TNPO1: variants seen among roughly 807,000 people sequenced by gnomAD.
The protein encoded by TNPO1 is transportin-1.
In TNPO1, 8 loss-of-function variants were observed where a neutral mutation model predicts 119.5. The ratio of observed to expected loss-of-function variants is 0.07; its 90% CI spans 0.04 to 0.12. The LOEUF (loss-of-function observed/expected upper bound fraction) is 0.12, where lower values mean the gene tolerates loss of function less well. Among genes scored for constraint, TNPO1 ranks in the 10% least tolerant of loss-of-function variants. The pLI, the probability that TNPO1 is intolerant of heterozygous loss-of-function variation, is 1.00. For missense variants in TNPO1, 576 were observed against 1,089.8 expected, an observed-to-expected ratio of 0.53 and a Z score of 6.64; for synonymous variants, 362 against 363.0, an observed-to-expected ratio of 1.00 and a Z score of 0.03.
chr5:72,848,319 C>T (rs1368240404), intron 1 of TNPO1, 66 bp from the exon 2 acceptor site: 1 of 1,490,616 alleles, frequency 6.7e-7, no homozygotes, highest in Admixed American at 2.1e-5. Flanking sequence ...GCGCGGGAAG[C>T]CTCTGGGCCT....
Position 72,891,901 on chromosome 5 carries a change from G to T in TNPO1, c.1788+5G>T. ...GATCTCTTCCCTTTACTTGAGGTAT[G>T]CAGGGCTAGTAATATTTAATCTGTT... is the stretch of plus-strand genomic sequence containing the variant. On this transcript the variant is annotated splice_donor_5th_base_variant and intron_variant, in intron 15 of 24. Coordinates refer to ENST00000337273, the MANE Select transcript of TNPO1 (RefSeq NM_002270.4). 1 of 1,605,122 alleles carries T rather than the reference G, an allele frequency of 6.2e-7. No homozygotes were observed. The highest frequency in any genetic ancestry group is 8.5e-7 in the Non-Finnish European group (1 of 1,174,738).
At chr5:72,828,986 G>A (rs903524199) in intron 1 of TNPO1, among the ~76,000 whole-genome samples, 2 of 152,138 alleles carry the variant, frequency 1.3e-5, no homozygotes, top group East Asian at 1.9e-4. Context: ...AATAAATGAT[G>A]TGTTTTCAGA....
At chr5:72,891,074 T>A (rs1438462614) in intron 14 of TNPO1, among the ~76,000 whole-genome samples, 1 of 151,962 alleles carries the variant, frequency 6.6e-6, no homozygotes. Flanking sequence ...AACTCCTGGG[T>A]TCAAGTGATC....
In TNPO1 at chr5:72,855,867, A is replaced by G. The variant is rs568082666; in HGVS notation, c.299A>G (p.Lys100Arg). The G allele has an allele frequency of 6.2e-7, 1 of 1,613,552 alleles. No individual in the cohort carries two copies. Among genetic ancestry groups the G allele is most frequent in the African/African-American group, 1.3e-5 (1 of 75,036 alleles). The change falls in exon 4 of 25, where the codon AAA becomes AGA. Residue 100 changes from lysine (K) to arginine (R), a missense_variant. Lys to Arg is a conservative substitution (Grantham distance 26). This residue lies in a region of TNPO1 where 310 missense variants were observed against 583.0 expected (regional missense o/e 0.53). Transcript: ENST00000337273. Reference sequence around the variant, plus strand: ...CCAAATGGTGTAACAGACTTTATTAAAAGTGAATGTTTAAATAATATTGGT... The same window carrying G: ...CCAAATGGTGTAACAGACTTTATTAGAAGTGAATGTTTAAATAATATTGGT... Reference protein sequence around the residue: ...NFPNGVTDFIKSECLNNIGDS... With the variant: ...NFPNGVTDFIRSECLNNIGDS...
At position 72,851,365 on chromosome 5, in the gene TNPO1, C is replaced by T. The variant is rs756278057; in HGVS notation, c.205+46C>T. 12 of 1,105,626 alleles carry T rather than the reference C, an allele frequency of 1.1e-5. No homozygotes were observed. The South Asian group carries it at 1.5e-4, about 14-fold the overall frequency. The allele number at this position is 1,105,626 out of a possible 1,614,324, so 68.5% of individuals were successfully genotyped here. A position where few individuals can be genotyped will look rare whatever the true frequency, so the allele number is the denominator to read the frequency against. ...TAACTATTTAAAGTTTCTTTAAGAC[C>T]TGTTTAAATGTACTGAGAATTATTC... On this transcript the variant is annotated intron_variant, in intron 3 of 24. Coordinates refer to ENST00000337273, the MANE Select transcript of TNPO1 (RefSeq NM_002270.4).
At chr5:72,829,521 C>T (rs993531918) in intron 1 of TNPO1, among the ~76,000 whole-genome samples, 1 of 152,202 alleles carries the variant, frequency 6.6e-6, no homozygotes, top group African/African-American at 2.4e-5. Flanking sequence ...GTTGAACAAT[C>T]GAGTTGAATA....
chr5:72,819,464 A>T (rs765800316), intron 1 of TNPO1, among the ~76,000 whole-genome samples: 1 of 152,178 alleles, frequency 6.6e-6, no homozygotes, highest in Non-Finnish European at 1.5e-5. Flanking sequence ...AGTAAGTAGG[A>T]ATATTAGAGT....
chr5:72,878,875 C>A, intron 9 of TNPO1: 1 of 481,738 alleles, frequency 2.1e-6, no homozygotes, highest in South Asian at 1.6e-5. Context: ...AGTTTAAATC[C>A]TTGAGGGGTA....
At chr5:72,837,592 C>T (rs1744738771) in intron 1 of TNPO1, among the ~76,000 whole-genome samples, 1 of 152,162 alleles carries the variant, frequency 6.6e-6, no homozygotes, top group Non-Finnish European at 1.5e-5. Context: ...ACAAGTTAAA[C>T]AGTCCATTTT....
Position 72,889,780 on chromosome 5 carries a change from A to G in TNPO1, c.1530-6A>G, listed in dbSNP as rs781052916. 1 of 1,512,054 alleles carries G rather than the reference A, an allele frequency of 6.6e-7. No individual in the cohort carries two copies. The highest frequency in any genetic ancestry group is 1.3e-5 in the South Asian group (1 of 74,588). 93.7% of individuals were successfully genotyped at this position (1,512,054 alleles called of 1,614,324 possible). Reference sequence around the variant, plus strand: ...ATAAGTATTCTTTTTTTTTTTTTTTAAACAGTGCCTTTGCTACCCTAGAAG... The same window carrying G: ...ATAAGTATTCTTTTTTTTTTTTTTTGAACAGTGCCTTTGCTACCCTAGAAG... On this transcript the variant is annotated splice_polypyrimidine_tract_variant and splice_region_variant and intron_variant, in intron 13 of 24. Transcript: ENST00000337273.
intron 14 of TNPO1, 141 bp downstream of exon 14, chr5:72,890,098 A>G: frequency 3.4e-6 from 3 of 889,486 alleles, no homozygotes; most frequent in Non-Finnish European, 5.1e-6. Flanking sequence ...AGATCTTACA[A>G]AGGCAGCAAG....
intron 1 of TNPO1, among the ~76,000 whole-genome samples, chr5:72,821,052 T>G (rs1311067589): frequency 6.6e-6 from 1 of 152,080 alleles, no homozygotes; most frequent in Non-Finnish European, 1.5e-5. Flanking sequence ...AGTGCTAAAA[T>G]TGAAATATAC....
chr5:72,856,696 A>C (rs2112286657), intron 4 of TNPO1, among the ~76,000 whole-genome samples: 1 of 152,356 alleles, frequency 6.6e-6, no homozygotes, highest in East Asian at 1.9e-4. Context: ...TCAGTAATTC[A>C]GCAGCAACTT....
rs567296056 is a variant in TNPO1 at position 72,899,687 on chromosome 5, C to T, written c.2339-319C>T. Among the ~76,000 whole-genome samples, 20 of 152,260 alleles carry T rather than the reference C, an allele frequency of 1.3e-4. No individual in the cohort carries two copies. The East Asian group carries it at 3.9e-3, about 29-fold the overall frequency. On this transcript the variant is annotated intron_variant, in intron 20 of 24. Transcript: ENST00000337273. ...TCCATTTAACTGCTCATCTTATTAA[C>T]AGAATGATACCTTGACACTCGATTG...
chr5:72,823,111 C>T (rs1181558561), intron 1 of TNPO1, among the ~76,000 whole-genome samples: 1 of 151,958 alleles, frequency 6.6e-6, no homozygotes, highest in Non-Finnish European at 1.5e-5. Context: ...TAATGGAAAC[C>T]GGACTCTCTT....
chr5:72,871,472 G>T (rs1412103311), intron 6 of TNPO1, among the ~76,000 whole-genome samples: 3 of 152,144 alleles, frequency 2.0e-5, no homozygotes, highest in Non-Finnish European at 4.4e-5. Flanking sequence ...GACAAAGAAA[G>T]GTTTTCATGG....
intron 1 of TNPO1, chr5:72,816,998 C>T: frequency 2.1e-6 from 1 of 477,382 alleles, no homozygotes; most frequent in African/African-American, 2.0e-5. Flanking sequence ...CCGAGGATCC[C>T]GTTAGGGGCG....
At chr5:72,904,760 G>A (rs765918059) in intron 23 of TNPO1, among the ~76,000 whole-genome samples, 1 of 152,166 alleles carries the variant, frequency 6.6e-6, no homozygotes, top group Non-Finnish European at 1.5e-5. Context: ...TCATGCCGTT[G>A]CACTCCAGCA....
At chr5:72,883,700 TACTC>T (rs1341786732) in intron 11 of TNPO1, among the ~76,000 whole-genome samples, 2 of 152,230 alleles carry the variant, frequency 1.3e-5, no homozygotes, top group Non-Finnish European at 1.5e-5. Context: ...ATGCTATAAA[TACTC>T]ATGTATAATT....
Sources: gnomAD v4.1 joint callset for allele counts (sites outside exome capture counted in the v4.1 genomes callset) on GRCh38, gnomAD v4.1.1 for gene constraint, gnomAD v4.1.1 regional missense constraint, MANE v1.5 for transcripts, NCBI Gene and HGNC (gene_info 2026-07-23, HGNC 2026-07-21) for gene names.